SRRM1: variants seen among roughly 807,000 people sequenced by gnomAD.
The protein encoded by SRRM1 is serine/arginine repetitive matrix protein 1.
In SRRM1, 19 loss-of-function variants were observed where a neutral mutation model predicts 110.2. The observed-to-expected ratio is 0.17, with a 90% confidence interval of 0.12 to 0.25. SRRM1 has a LOEUF of 0.25. SRRM1 is among the 10% of genes least tolerant of loss of function. The probability of loss-of-function intolerance (pLI) is 1.00; values close to 1 mark genes in which losing one functional copy is unlikely to be tolerated. For synonymous variants in SRRM1, 443 were observed against 414.9 expected, an observed-to-expected ratio of 1.07 and a Z score of -0.82; for missense variants, 918 against 1,145.8, an observed-to-expected ratio of 0.80 and a Z score of 2.87.
intron 12 of SRRM1, among the ~76,000 whole-genome samples, chr1:24,663,987 CTTTT>C (rs973518559): frequency 8.4e-5 from 10 of 119,754 alleles, no homozygotes; most frequent in East Asian, 2.4e-4. Context: ...GCATAGCTCT[CTTTT>C]TTTTTTTTTT....
chr1:24,651,527 C>G lies in SRRM1; in HGVS notation c.640C>G (p.Pro214Ala). The change falls in exon 6 of 17, where the codon CCA becomes GCA. Residue 214 changes from proline (P) to alanine (A), a missense_variant. By Grantham distance (27) the Pro-to-Ala change is conservative (BLOSUM62 -1). Transcript: ENST00000323848. ...CAAGAGCCGGAGTCCTTCCCCTGCT[C>G]CAGAAAAGAAGGAAAAAACTCCAGA... ...RTKSRSPSPA[P>A]EKKEKTPELP... The G allele has an allele frequency of 6.2e-7, 1 of 1,614,002 alleles. No homozygotes were observed. Among genetic ancestry groups the G allele is most frequent in the Middle Eastern group, 1.7e-4 (1 of 6,054 alleles).
At chr1:24,648,789 A>G in intron 3 of SRRM1, 70 bp from the exon 4 acceptor site, 2 of 1,405,620 alleles carry the variant, frequency 1.4e-6, no homozygotes, top group South Asian at 2.4e-5. Context: ...AATGAGTTTT[A>G]GGTTGGTTGA....
chr1:24,662,981 T>A, intron 12 of SRRM1, 177 bp downstream of exon 12: 1 of 1,005,304 alleles, frequency 9.9e-7, no homozygotes, highest in Non-Finnish European at 1.4e-6. Flanking sequence ...TGGTTATTAA[T>A]AATTAATTTA....
intron 8 of SRRM1, 89 bp downstream of exon 8, chr1:24,653,121 GA>G: frequency 1.5e-6 from 2 of 1,309,442 alleles, no homozygotes; most frequent in East Asian, 5.1e-5. Flanking sequence ...GTGTCCCCTG[GA>G]AGAAAGAACT....
Position 24,651,632 on chromosome 1 carries a change from T to C in SRRM1, c.725+20T>C. ...TACTAGGCAAGTATATAAAAATTCA[T>C]TTATAAATAATCACAATTTTAGATT... is the stretch of plus-strand genomic sequence containing the variant. On this transcript the variant is annotated intron_variant, in intron 6 of 16. Transcript: ENST00000323848. The C allele has an allele frequency of 6.4e-7, 1 of 1,555,110 alleles. No individual in the cohort carries two copies. Among genetic ancestry groups the C allele is most frequent in the South Asian group, 1.2e-5 (1 of 85,522 alleles).
At chr1:24,661,520 C>A in intron 11 of SRRM1, 124 bp downstream of exon 11, 2 of 624,562 alleles carry the variant, frequency 3.2e-6, no homozygotes, top group Non-Finnish European at 5.2e-6. Flanking sequence ...TCTGAGGAGG[C>A]AGGATTGTTT....
intron 3 of SRRM1, chr1:24,648,267 A>T (rs1658616253): frequency 6.6e-6 from 1 of 152,222 alleles, no homozygotes; most frequent in African/African-American, 2.4e-5. Flanking sequence ...AGAAATCTTG[A>T]CCTCTTAGCA....
intron 12 of SRRM1, among the ~76,000 whole-genome samples, chr1:24,663,964 A>G (rs114534194): frequency 4.1e-4 from 61 of 148,106 alleles, no homozygotes; most frequent in African/African-American, 1.4e-3. Flanking sequence ...TTCCAGTACT[A>G]GAAAGGTGGG....
chr1:24,654,996 T>TCCAAGG lies in SRRM1; in HGVS notation c.1184_1189dup (p.Pro395_Arg396dup), dbSNP rs1663178018. The TCCAAGG allele has an allele frequency of 6.2e-7, 1 of 1,614,116 alleles. No homozygotes were observed. The highest frequency in any genetic ancestry group is 1.3e-5 in the African/African-American group (1 of 75,012). On this transcript the variant is annotated inframe_insertion, in exon 9 of 17. Transcript: ENST00000323848. The stretch of plus-strand genomic sequence containing the variant: ...GTAGGTTATCTCCTTCAGCAAGTCC[T>TCCAAGG]CCAAGGCGAAGGCACAGGCCATCAC...
intron 15 of SRRM1, among the ~76,000 whole-genome samples, chr1:24,670,811 A>G (rs976418342): frequency 6.6e-6 from 1 of 152,170 alleles, no homozygotes; most frequent in Non-Finnish European, 1.5e-5. Context: ...ACTTGTGAGG[A>G]ATTTTAAGTA....
chr1:24,662,930 CT>C, intron 12 of SRRM1, 126 bp downstream of exon 12: 1 of 1,308,002 alleles, frequency 7.6e-7, no homozygotes, highest in Non-Finnish European at 1.0e-6. Flanking sequence ...TTTTTGTTTG[CT>C]TTTTAGGGTT....
At position 24,670,764 on chromosome 1, in the gene SRRM1, A is replaced by G. The variant is rs530320009; in HGVS notation, c.2400+449A>G. 7.0e-4 allele frequency among the ~76,000 whole-genome samples: 106 copies of G among 152,324 alleles called. 1 individual carries two copies. Among genetic ancestry groups the G allele is most frequent in the Non-Finnish European group, 1.3e-3 (91 of 68,044 alleles). On this transcript the variant is annotated intron_variant, in intron 15 of 16. Transcript: ENST00000323848. ...CCTCCTGCTGTGGCCTCAGATGTCCATATTTAATTGGGTTGACTGAATAGT... is the reference window on the plus strand; with the variant it reads ...CCTCCTGCTGTGGCCTCAGATGTCCGTATTTAATTGGGTTGACTGAATAGT...
chr1:24,657,562 A>G (rs1232558711), intron 9 of SRRM1, among the ~76,000 whole-genome samples: 1 of 152,196 alleles, frequency 6.6e-6, no homozygotes, highest in Non-Finnish European at 1.5e-5. Context: ...TATTTTCCCT[A>G]GTGGCCACTA....
chr1:24,663,100 C>T, intron 12 of SRRM1: 1 of 1,254,798 alleles, frequency 8.0e-7, no homozygotes, highest in Non-Finnish European at 1.1e-6. Context: ...TTAAAAATGT[C>T]TCCATTAATG....
chr1:24,643,647 C>A, intron 1 of SRRM1: 1 of 375,658 alleles, frequency 2.7e-6, no homozygotes, highest in Admixed American at 4.6e-5. Flanking sequence ...GCCTGCAGGC[C>A]GAGCGCCGTG....
rs560833433 is a variant in SRRM1 at position 24,667,732 on chromosome 1, G to A, written c.1739+807G>A. ...TCCTGGAACAGAAAAGGGACATTCAGTAGTGGAAAACTGGGTTGTTTGCTA... is the reference window on the plus strand; with the variant it reads ...TCCTGGAACAGAAAAGGGACATTCAATAGTGGAAAACTGGGTTGTTTGCTA... On this transcript the variant is annotated intron_variant, in intron 13 of 16. Transcript: ENST00000323848. 2.6e-5 allele frequency among the ~76,000 whole-genome samples: 4 copies of A among 152,258 alleles called. 1 individual carries two copies. Among genetic ancestry groups the A allele is most frequent in the Middle Eastern group, 6.8e-3 (2 of 294 alleles).
intron 8 of SRRM1, 77 bp downstream of exon 8, chr1:24,653,109 T>G (rs1661945856): frequency 2.1e-6 from 3 of 1,399,080 alleles, no homozygotes; most frequent in African/African-American, 1.4e-5. Flanking sequence ...ATCTGTAAAT[T>G]AGTGTCCCCT....
In SRRM1 at chr1:24,663,878, A is replaced by AAATAATAAT. The variant is rs10555916; in HGVS notation, c.1628+1104_1628+1112dup. On this transcript the variant is annotated intron_variant, in intron 12 of 16. Transcript: ENST00000323848. ...GCAACAGAGCTAAATTCCCTCTCAA[A>AAATAATAAT]AATAATAATAATAATAATAATAATA... 4.3e-3 allele frequency among the ~76,000 whole-genome samples: 610 copies of AAATAATAAT among 141,506 alleles called. 17 individuals are homozygous for AAATAATAAT. In the East Asian group the frequency reaches 0.072, roughly 17 times the overall value. 92.8% of individuals were successfully genotyped at this position (141,506 alleles called of 152,430 possible).
At chr1:24,651,076 G>A (rs369505669) in intron 5 of SRRM1, among the ~76,000 whole-genome samples, 3 of 152,152 alleles carry the variant, frequency 2.0e-5, no homozygotes, top group African/African-American at 7.2e-5. Context: ...AGTTTGATTT[G>A]TTGTCAAGGA....
Sources: gnomAD v4.1 joint callset for allele counts (sites outside exome capture counted in the v4.1 genomes callset) on GRCh38, gnomAD v4.1.1 for gene constraint, MANE v1.5 for transcripts, NCBI Gene and HGNC (gene_info 2026-07-23, HGNC 2026-07-21) for gene names.